The following ATF7IP2 variants were observed in gnomAD, a reference collection of about 807,000 sequenced individuals.
ATF7IP2 encodes activating transcription factor 7-interacting protein 2.
In ATF7IP2, 42 loss-of-function variants were observed where a neutral mutation model predicts 64.2. The ratio of observed to expected loss-of-function variants is 0.65; its 90% CI spans 0.51 to 0.85. The LOEUF is 0.85. Among genes scored for constraint, ATF7IP2 ranks in the 40% least tolerant of loss-of-function variants. The pLI, the probability that ATF7IP2 is intolerant of heterozygous loss-of-function variation, is 0.00. For synonymous variants in ATF7IP2, 308 were observed against 272.8 expected (o/e 1.13, Z -1.27); for missense variants, 933 against 784.2 (o/e 1.19, Z -2.27).
chr16:10,411,311 T>A (rs2141813833), intron 1 of ATF7IP2, among the ~76,000 whole-genome samples: 1 of 152,046 alleles, frequency 6.6e-6, no homozygotes, highest in Admixed American at 6.5e-5. Flanking sequence ...GAATGCCTGG[T>A]ACGATTCAGC....
intron 1 of ATF7IP2, among the ~76,000 whole-genome samples, chr16:10,406,239 T>G (rs1425445605): frequency 1.3e-5 from 2 of 152,178 alleles, no homozygotes; most frequent in African/African-American, 4.8e-5. Context: ...CTCGAGTAGC[T>G]GGGACTACAG....
rs537863063 is a variant in ATF7IP2, at chr16:10,413,771, G to T, written c.-241-803G>T. On this transcript the variant is annotated intron_variant, in intron 1 of 13. Coordinates refer to ENST00000562102, the MANE Select transcript of ATF7IP2 (RefSeq NM_001393719.1). ...ATCATTTGTTTGTCTGAAAAAGACT[G>T]TATGTTTCCTTAATTTATGAAGCTT... is the stretch of plus-strand genomic sequence containing the variant. 6.3e-4 allele frequency among the ~76,000 whole-genome samples: 96 copies of T among 152,266 alleles called. 1 individual carries two copies. Among genetic ancestry groups the T allele is most frequent in the African/African-American group, 2.1e-3 (86 of 41,558 alleles).
intron 8 of ATF7IP2, 23 bp from the exon 9 acceptor site, chr16:10,457,349 C>CT: frequency 1.9e-6 from 3 of 1,578,998 alleles, no homozygotes; most frequent in Non-Finnish European, 1.7e-6. Context: ...CCTTCAACTG[C>CT]TTTTTTCTCA....
At chr16:10,409,341 A>G (rs576580454) in intron 1 of ATF7IP2, among the ~76,000 whole-genome samples, 1 of 152,290 alleles carries the variant, frequency 6.6e-6, no homozygotes, top group East Asian at 1.9e-4. Flanking sequence ...AGGCATGGAG[A>G]ACAAGAAAGT....
At chr16:10,413,927 A>G (rs1482276367) in intron 1 of ATF7IP2, among the ~76,000 whole-genome samples, 1 of 152,208 alleles carries the variant, frequency 6.6e-6, no homozygotes, top group East Asian at 1.9e-4. Context: ...TTTCCTTTAT[A>G]GATTACCTGA....
chr16:10,409,037 C>T (rs1045733919), intron 1 of ATF7IP2, among the ~76,000 whole-genome samples: 3 of 152,214 alleles, frequency 2.0e-5, no homozygotes, highest in East Asian at 3.8e-4. Context: ...CATTCACGAT[C>T]ACAAGAGCAC....
chr16:10,416,187 T>A (rs549244765), intron 2 of ATF7IP2, among the ~76,000 whole-genome samples: 2 of 152,312 alleles, frequency 1.3e-5, no homozygotes, highest in East Asian at 3.9e-4. Context: ...TAGCCAAGAT[T>A]TGGAAGCAAC....
chr16:10,471,620 C>T (rs2049803012), intron 9 of ATF7IP2, among the ~76,000 whole-genome samples: 1 of 152,082 alleles, frequency 6.6e-6, no homozygotes, highest in Non-Finnish European at 1.5e-5. Context: ...ATCATTGTCT[C>T]AAATTTGTGG....
chr16:10,403,351 C>A (rs1165393868), intron 1 of ATF7IP2, among the ~76,000 whole-genome samples: 2 of 152,260 alleles, frequency 1.3e-5, no homozygotes, highest in East Asian at 3.9e-4. Context: ...ACTACTACGA[C>A]TGGCATTTGA....
intron 1 of ATF7IP2, among the ~76,000 whole-genome samples, chr16:10,412,120 A>G (rs1371012799): frequency 7.4e-6 from 1 of 135,376 alleles, no homozygotes; most frequent in East Asian, 2.1e-4. Flanking sequence ...GGTTTGCTGC[A>G]CCCATTAACT....
intron 8 of ATF7IP2, among the ~76,000 whole-genome samples, chr16:10,450,681 A>C (rs1006231544): frequency 3.3e-5 from 5 of 151,366 alleles, no homozygotes; most frequent in African/African-American, 1.2e-4. Flanking sequence ...ATCTTCCTCC[A>C]TCCCTTTATT....
At chr16:10,387,708 T>C (rs1016472817) in intron 1 of ATF7IP2, 1 of 152,192 alleles carries the variant, frequency 6.6e-6, no homozygotes, top group Non-Finnish European at 1.5e-5. Flanking sequence ...ATATATTGGA[T>C]AGTTAAAAAT....
intron 8 of ATF7IP2, chr16:10,454,352 G>C (rs1460098060): frequency 3.6e-5 from 5 of 139,884 alleles, no homozygotes; most frequent in Non-Finnish European, 6.1e-5. Flanking sequence ...GGAGGTTGCA[G>C]TGAGCCAAGA....
intron 12 of ATF7IP2, 85 bp downstream of exon 12, chr16:10,474,074 G>T: frequency 3.4e-6 from 3 of 871,524 alleles, no homozygotes; most frequent in Middle Eastern, 2.3e-4. Flanking sequence ...TATGAAGTTT[G>T]TTTTAATATG....
intron 3 of ATF7IP2, among the ~76,000 whole-genome samples, chr16:10,422,692 G>A (rs2048009712): frequency 1.8e-5 from 1 of 56,990 alleles, no homozygotes; most frequent in Admixed American, 1.6e-4. Flanking sequence ...TTCTTTCCCT[G>A]AACAGTTATT....
chr16:10,417,284 A>G (rs1437910524), intron 2 of ATF7IP2, among the ~76,000 whole-genome samples: 2 of 152,188 alleles, frequency 1.3e-5, no homozygotes, highest in Non-Finnish European at 2.9e-5. Flanking sequence ...AGAGAGGTTG[A>G]TGGAATGGAT....
At chr16:10,470,874 AATAT>A (rs529312009) in intron 9 of ATF7IP2, among the ~76,000 whole-genome samples, 538 of 148,320 alleles carry the variant, frequency 3.6e-3, no homozygotes, top group Non-Finnish European at 6.3e-3. Context: ...TGTGTGTGTG[AATAT>A]ATATATGAAA....
In ATF7IP2 at chr16:10,475,722, G is replaced by GAAAA. The variant is rs386384218; in HGVS notation, c.1549+1752_1549+1755dup. On this transcript the variant is annotated intron_variant, in intron 12 of 13. Coordinates refer to ENST00000562102, the MANE Select transcript of ATF7IP2 (RefSeq NM_001393719.1). ...AAAAAAAACCCAATCTAAGAAGCCAGAAAAAAAAAAAAAAAAAAAAAACAG... is the reference window on the plus strand; with the variant it reads ...AAAAAAAACCCAATCTAAGAAGCCAGAAAAAAAAAAAAAAAAAAAAAAAAAACAG... 9.1e-4 allele frequency among the ~76,000 whole-genome samples: 38 copies of GAAAA among 41,626 alleles called. 1 individual carries two copies. The highest frequency in any genetic ancestry group is 4.0e-3 in the African/African-American group (33 of 8,354). 27.3% of individuals were successfully genotyped at this position (41,626 alleles called of 152,430 possible).
intron 8 of ATF7IP2, among the ~76,000 whole-genome samples, chr16:10,453,663 G>A (rs559375292): frequency 6.6e-6 from 1 of 152,242 alleles, no homozygotes; most frequent in East Asian, 1.9e-4. Context: ...TGTTGCCCAG[G>A]CTGGAGTGCA....
Sources: gnomAD v4.1 joint callset for allele counts (sites outside exome capture counted in the v4.1 genomes callset) on GRCh38, gnomAD v4.1.1 for gene constraint, MANE v1.5 for transcripts, NCBI Gene and HGNC (gene_info 2026-07-23, HGNC 2026-07-21) for gene names.